Variants in SERPINA5 observed in about 807,000 individuals in gnomAD.
SERPINA5 encodes the protein plasma serine protease inhibitor.
A neutral mutation model predicts 25.3 loss-of-function variants in SERPINA5; 25 were observed. That is an observed-to-expected ratio of 0.99 (90% CI 0.72 to 1.38). The LOEUF (loss-of-function observed/expected upper bound fraction) is 1.38. SERPINA5 is among the 40% of genes most tolerant of loss of function. The pLI is 0.00. For synonymous variants in SERPINA5, 234 were observed against 206.2 expected (o/e 1.14, Z -1.16); for missense variants, 599 against 509.5 (o/e 1.18, Z -1.69).
rs1418467566 is a variant in SERPINA5, at chr14:94,587,787, A to G, written c.425A>G (p.Gln142Arg). 5 of 1,614,098 alleles carry G rather than the reference A, an allele frequency of 3.1e-6. No individual in the cohort carries two copies. Among genetic ancestry groups the G allele is most frequent in the African/African-American group, 1.3e-5 (1 of 74,942 alleles). ...ALFTDLVVDL[Q>R]DTFVSAMKTL... is the part of the protein sequence containing the mutation. ...TTCACCGACCTGGTGGTAGACCTGC[A>G]GGACACCTTCGTAAGTGCCATGAAG... The change falls in exon 3 of 6, where the codon CAG becomes CGG. Residue 142 changes from glutamine to arginine, a missense_variant. Gln to Arg is a conservative substitution (Grantham distance 43, BLOSUM62 1). Coordinates refer to ENST00000329597, the MANE Select transcript of SERPINA5 (RefSeq NM_000624.6).
intron 2 of SERPINA5, among the ~76,000 whole-genome samples, chr14:94,586,458 C>T (rs1885088195): frequency 6.6e-6 from 1 of 152,154 alleles, no homozygotes; most frequent in African/African-American, 2.4e-5. Context: ...CTGGTCTTCC[C>T]TCTGTGCATG....
Position 94,592,493 on chromosome 14 carries a change from G to C in SERPINA5, c.*254G>C, listed in dbSNP as rs985482711. The C allele has an allele frequency of 2.5e-6, 1 of 397,244 alleles. No homozygotes were observed. The highest frequency in any genetic ancestry group is 4.3e-5 in the Admixed American group (1 of 23,520). 24.6% of individuals were successfully genotyped at this position (397,244 alleles called of 1,614,324 possible). A position where few individuals can be genotyped will look rare whatever the true frequency, so the allele number is the denominator to read the frequency against. ...GAAGATTAACACTGAGATCCAGAGA[G>C]GCTGGATGACTTGCTCAAGTTCACC... On this transcript the variant is annotated 3_prime_UTR_variant, in exon 6 of 6. Coordinates refer to ENST00000329597, the MANE Select transcript of SERPINA5 (RefSeq NM_000624.6).
At position 94,587,467 on chromosome 14, in the gene SERPINA5, T is replaced by C. The variant is rs141185188; in HGVS notation, c.105T>C (p.His35=). The change falls in exon 3 of 6, where the codon CAT becomes CAC. Residue 35 remains histidine, a synonymous_variant. Coordinates refer to ENST00000329597, the MANE Select transcript of SERPINA5 (RefSeq NM_000624.6). The stretch of plus-strand genomic sequence containing the variant: ...TGAAGAAGAGAGTCGAGGACCTCCA[T>C]GTAGGTGCCACGGTGGCCCCCAGCA... ...REMKKRVEDL[H]VGATVAPSSR... The C allele has an allele frequency of 3.1e-6, 5 of 1,614,168 alleles. No individual in the cohort carries two copies. The Admixed American group carries it at 8.3e-5, about 27-fold the overall frequency.
intron 5 of SERPINA5, among the ~76,000 whole-genome samples, chr14:94,591,119 C>T (rs529035959): frequency 0.032 from 4,873 of 150,858 alleles, 123 homozygotes; most frequent in Middle Eastern, 0.062. Context: ...CCACTCCACT[C>T]CACTCCACTC....
Position 94,592,324 on chromosome 14 carries a change from G to A in SERPINA5, c.*85G>A, listed in dbSNP as rs1885333530. The stretch of plus-strand genomic sequence containing the variant: ...TGGCCCATCTGTATGCTGGTAGCTA[G>A]TGATTTACACAGGTTTAGTTGACTA... On this transcript the variant is annotated 3_prime_UTR_variant, in exon 6 of 6. Transcript: ENST00000329597. 1 of 1,325,040 alleles carries A rather than the reference G, an allele frequency of 7.5e-7. No homozygotes were observed. Among genetic ancestry groups the A allele is most frequent in the Non-Finnish European group, 1.0e-6 (1 of 958,678 alleles). 82.1% of individuals were successfully genotyped at this position (1,325,040 alleles called of 1,614,324 possible).
chr14:94,592,815 G>C lies in SERPINA5; in HGVS notation c.*576G>C, dbSNP rs1484717474. ...CTCTGTATACAAGGATCAGATTCTT[G>C]CTGTGACCCAAGAACTCCTGAAATC... On this transcript the variant is annotated 3_prime_UTR_variant, in exon 6 of 6. Coordinates refer to ENST00000329597, the MANE Select transcript of SERPINA5 (RefSeq NM_000624.6). 1.3e-5 allele frequency: 2 copies of C among 152,280 alleles called. No homozygotes were observed. Among genetic ancestry groups the C allele is most frequent in the African/African-American group, 4.8e-5 (2 of 41,448 alleles). The allele number at this position is 152,280 out of a possible 1,614,324, so 9.4% of individuals were successfully genotyped here. A position where few individuals can be genotyped will look rare whatever the true frequency, so the allele number is the denominator to read the frequency against.
At chr14:94,589,077 C>T (rs1017066014) in intron 3 of SERPINA5, among the ~76,000 whole-genome samples, 4 of 152,214 alleles carry the variant, frequency 2.6e-5, no homozygotes, top group African/African-American at 9.6e-5. Flanking sequence ...GTCCCCATTA[C>T]ACCAGATTGC....
Position 94,587,814 on chromosome 14 carries a change from C to T in SERPINA5, c.452C>T (p.Thr151Met), listed in dbSNP as rs368796795. 5.5e-5 allele frequency: 88 copies of T among 1,613,924 alleles called. No homozygotes were observed. The highest frequency in any genetic ancestry group is 8.9e-5 in the East Asian group (4 of 44,860). The part of the protein sequence containing the change: ...LQDTFVSAMK[T>M]LYLADTFPTN... ...GACACCTTCGTAAGTGCCATGAAGA[C>T]GCTGTACCTGGCAGACACTTTCCCT... Residue 151 changes from threonine to methionine, a missense_variant, in exon 3 of 6, where the codon ACG becomes ATG. Transcript: ENST00000329597.
rs1258788408 is a variant in SERPINA5 at position 94,587,420 on chromosome 14, C to T, written c.58C>T (p.His20Tyr). Residue 20 changes from histidine (H) to tyrosine (Y), a missense_variant, in exon 3 of 6, where the codon CAC (histidine) becomes TAC (tyrosine). Coordinates refer to ENST00000329597, the MANE Select transcript of SERPINA5 (RefSeq NM_000624.6). ...VLLSPQGASLHRHHPREMKKR... is the reference protein window; with the variant it reads ...VLLSPQGASLYRHHPREMKKR... ...TCTCAGCCCTCAGGGGGCCTCCCTT[C>T]ACCGCCACCACCCCCGGGAGATGAA... 1.2e-6 allele frequency: 2 copies of T among 1,614,000 alleles called. No homozygotes were observed. The highest frequency in any genetic ancestry group is 1.7e-6 in the Non-Finnish European group (2 of 1,179,942).
intron 2 of SERPINA5, among the ~76,000 whole-genome samples, chr14:94,582,822 T>C (rs994165634): frequency 6.6e-6 from 1 of 152,092 alleles, no homozygotes; most frequent in Non-Finnish European, 1.5e-5. Context: ...TGAAAGAGCT[T>C]TGAGAGAAAG....
In SERPINA5 at chr14:94,587,549, CAG is replaced by C; in HGVS notation, c.190_191del (p.Ser64HisfsTer99). On this transcript the variant is annotated frameshift_variant, in exon 3 of 6. Coordinates refer to ENST00000329597, the MANE Select transcript of SERPINA5 (RefSeq NM_000624.6). LOFTEE classifies it high-confidence loss of function. ...YRALASAAPSQSIFFSPVSIS... is the reference protein window; with the variant it reads ...YRALASAAPSXSIFFSPVSIS... ...GGCCTTGGCTTCCGCTGCCCCCAGC[CAG>C]AGCATCTTCTTCTCCCCTGTGAGCA... is the stretch of plus-strand genomic sequence containing the variant. 1 of 1,613,706 alleles carries C rather than the reference CAG, an allele frequency of 6.2e-7. No homozygotes were observed. The highest frequency in any genetic ancestry group is 8.5e-7 in the Non-Finnish European group (1 of 1,179,680).
At chr14:94,587,069 G>A (rs1885113022) in intron 2 of SERPINA5, 1 of 385,696 alleles carries the variant, frequency 2.6e-6, no homozygotes, top group Admixed American at 4.2e-5. Flanking sequence ...GTCCCTTGAT[G>A]TGGATGGGTA....
intron 2 of SERPINA5, among the ~76,000 whole-genome samples, chr14:94,583,958 C>G (rs1011966621): frequency 6.6e-6 from 1 of 152,178 alleles, no homozygotes; most frequent in African/African-American, 2.4e-5. Context: ...AACTAAGAAA[C>G]GTAAAACAAG....
chr14:94,585,944 A>G (rs1019361212), intron 2 of SERPINA5, among the ~76,000 whole-genome samples: 2 of 152,148 alleles, frequency 1.3e-5, no homozygotes, highest in Non-Finnish European at 2.9e-5. Flanking sequence ...TATTATCACT[A>G]TCTTACAGTT....
At position 94,593,098 on chromosome 14, in the gene SERPINA5, TA is replaced by T; in HGVS notation, c.*862del. 1 of 152,320 alleles carries T rather than the reference TA, an allele frequency of 6.6e-6. No homozygotes were observed. The highest frequency in any genetic ancestry group is 1.5e-5 in the Non-Finnish European group (1 of 68,026). The allele number at this position is 152,320 out of a possible 1,614,324, so 9.4% of individuals were successfully genotyped here. ...TTGAATTCTATGTTGGCATTAACAA[TA>T]AAGCATTTTGCAAACACTGGTTATA... On this transcript the variant is annotated 3_prime_UTR_variant, in exon 6 of 6. Transcript: ENST00000329597.
chr14:94,587,204 C>T (rs2069972), intron 2 of SERPINA5, 142 bp from the exon 3 acceptor site: 369,680 of 737,546 alleles, frequency 0.5, 98,266 homozygotes, highest in Middle Eastern at 0.63. Context: ...AACCCTCATG[C>T]CCAGTCTTGC....
rs539338300 is a variant in SERPINA5 at position 94,587,890 on chromosome 14, G to A, written c.528G>A (p.Val176=). 3.1e-6 allele frequency: 5 copies of A among 1,614,202 alleles called. No individual in the cohort carries two copies. The South Asian group carries it at 5.5e-5, about 18-fold the overall frequency. The change falls in exon 3 of 6, where the codon GTG becomes GTA. Residue 176 remains valine, a synonymous_variant. Transcript: ENST00000329597. ...CCATGAAGCAGATCAATGATTATGT[G>A]GCAAAGCAAACGAAGGGCAAGATTG... is the stretch of plus-strand genomic sequence containing the variant. ...AGAMKQINDY[V]AKQTKGKIVD...
intron 2 of SERPINA5, among the ~76,000 whole-genome samples, chr14:94,582,999 G>A (rs1884961950): frequency 6.6e-6 from 1 of 152,170 alleles, no homozygotes; most frequent in Non-Finnish European, 1.5e-5. Context: ...GTATGCAAAG[G>A]CCCAGAGTTA....
rs1438271563 is a variant in SERPINA5, at chr14:94,587,678, G to A, written c.316G>A (p.Glu106Lys). Residue 106 changes from glutamate (E) to lysine (K), a missense_variant, in exon 3 of 6, where the codon GAG becomes AAG. Transcript: ENST00000329597. The stretch of plus-strand genomic sequence containing the variant: ...CAACCTCCAGAAAAGCTCAGAGAAG[G>A]AGCTGCACAGAGGCTTTCAGCAGCT... The part of the protein sequence containing the change: ...GLNLQKSSEK[E>K]LHRGFQQLLQ... 2 of 1,614,128 alleles carry A rather than the reference G, an allele frequency of 1.2e-6. No individual in the cohort carries two copies. Among genetic ancestry groups the A allele is most frequent in the South Asian group, 1.1e-5 (1 of 91,084 alleles).
Sources: allele counts gnomAD v4.1 joint callset (sites outside exome capture counted in the v4.1 genomes callset), GRCh38; gene constraint gnomAD v4.1.1; transcripts MANE v1.5; gene names NCBI Gene and HGNC (gene_info 2026-07-23, HGNC 2026-07-21).